The following KLF12 variants were observed in gnomAD, a reference collection of about 807,000 sequenced individuals.
The protein encoded by KLF12 is KLF transcription factor 12.
A neutral mutation model predicts 37.8 loss-of-function variants in KLF12; 9 were observed. The observed-to-expected ratio is 0.24, with a 90% confidence interval of 0.14 to 0.42. The LOEUF (loss-of-function observed/expected upper bound fraction) is 0.42, where lower values mean the gene tolerates loss of function less well. Among genes scored for constraint, KLF12 ranks in the 10% least tolerant of loss-of-function variants. The probability of loss-of-function intolerance (pLI) is 1.00; values close to 1 mark genes in which losing one functional copy is unlikely to be tolerated. For synonymous variants in KLF12, 208 were observed against 202.1 expected (o/e 1.03, Z -0.25); for missense variants, 411 against 516.0 (o/e 0.80, Z 1.97).
chr13:73,727,911 G>T (rs1303477614), intron 6 of KLF12, among the ~76,000 whole-genome samples: 2 of 152,136 alleles, frequency 1.3e-5, no homozygotes, highest in Admixed American at 1.3e-4. Context: ...TGGCCAGGCT[G>T]GTTTCGTACT....
intron 1 of KLF12, among the ~76,000 whole-genome samples, chr13:74,022,036 C>G (rs184575180): frequency 1.4e-3 from 210 of 152,214 alleles, no homozygotes; most frequent in Non-Finnish European, 1.9e-3. Flanking sequence ...GCTTTCATTC[C>G]AAGTCATCTA....
chr13:74,005,753 T>G (rs1892395392), intron 1 of KLF12, among the ~76,000 whole-genome samples: 3 of 152,210 alleles, frequency 2.0e-5, no homozygotes, highest in Admixed American at 2.0e-4. Context: ...TTTGGAGATC[T>G]TTATAAATGG....
At chr13:74,241,868 C>G in the KLF12 span, among the ~76,000 whole-genome samples, 2 of 152,162 alleles carry the variant, frequency 1.3e-5, no homozygotes, top group African/African-American at 2.4e-5. Context: ...GAGATGAACC[C>G]GGTACCTCAG....
At chr13:74,267,510 C>T in the KLF12 span, among the ~76,000 whole-genome samples, 1 of 152,306 alleles carries the variant, frequency 6.6e-6, no homozygotes, top group South Asian at 2.1e-4. Flanking sequence ...TGTTCTCACT[C>T]ATACGTGGGA....
chr13:74,181,756 C>T, the KLF12 span, among the ~76,000 whole-genome samples: 4 of 150,544 alleles, frequency 2.7e-5, no homozygotes, highest in African/African-American at 9.8e-5. Context: ...GATAACAACC[C>T]AATGTATGAG....
intron 1 of KLF12, among the ~76,000 whole-genome samples, chr13:74,000,473 A>C (rs956525744): frequency 6.6e-6 from 1 of 152,228 alleles, no homozygotes; most frequent in African/African-American, 2.4e-5. Flanking sequence ...TGTTCGTTGC[A>C]TAAGTCGACT....
the KLF12 span, among the ~76,000 whole-genome samples, chr13:74,252,363 C>T: frequency 5.3e-5 from 8 of 152,280 alleles, no homozygotes; most frequent in African/African-American, 1.7e-4. Context: ...ACTCTTGACC[C>T]CAGGCTTTGT....
chr13:73,981,318 G>C (rs922795879), intron 2 of KLF12, among the ~76,000 whole-genome samples: 1 of 152,104 alleles, frequency 6.6e-6, no homozygotes, highest in Admixed American at 6.5e-5. Context: ...ACATTTAAAC[G>C]ACTCTTCATA....
intron 3 of KLF12, among the ~76,000 whole-genome samples, chr13:73,864,929 A>G (rs1017165202): frequency 1.4e-4 from 22 of 152,284 alleles, no homozygotes; most frequent in African/African-American, 5.0e-4. Flanking sequence ...AGGAGTAAAT[A>G]ACAAGTAAAC....
intron 1 of KLF12, among the ~76,000 whole-genome samples, chr13:74,049,391 G>T (rs748451611): frequency 6.6e-6 from 1 of 152,112 alleles, no homozygotes; most frequent in African/African-American, 2.4e-5. Flanking sequence ...GCCATCAAGG[G>T]TGCAACACAT....
At chr13:73,959,680 T>TTA (rs1308589690) in intron 2 of KLF12, among the ~76,000 whole-genome samples, 1 of 152,008 alleles carries the variant, frequency 6.6e-6, no homozygotes, top group African/African-American at 2.4e-5. Flanking sequence ...TGTAATATAT[T>TTA]TACATATGAA....
At chr13:73,838,264 G>A (rs754377903) in intron 4 of KLF12, among the ~76,000 whole-genome samples, 1 of 151,704 alleles carries the variant, frequency 6.6e-6, no homozygotes, top group Non-Finnish European at 1.5e-5. Context: ...TCTATAGGCT[G>A]CTGAGAAAAG....
At chr13:74,179,597 C>G in the KLF12 span, among the ~76,000 whole-genome samples, 1 of 152,194 alleles carries the variant, frequency 6.6e-6, no homozygotes, top group Non-Finnish European at 1.5e-5. Context: ...AATTTAACTT[C>G]TCCCTGACCT....
chr13:74,163,051 G>A, the KLF12 span, among the ~76,000 whole-genome samples: 1 of 152,116 alleles, frequency 6.6e-6, no homozygotes, highest in South Asian at 2.1e-4. Context: ...ATCTGAAGGA[G>A]AGAAAAGGGA....
chr13:73,752,960 A>G (rs1311127318), intron 6 of KLF12, among the ~76,000 whole-genome samples: 1 of 151,516 alleles, frequency 6.6e-6, no homozygotes, highest in Non-Finnish European at 1.5e-5. Context: ...CACTGTATTG[A>G]CCAGGCTGGT....
At chr13:73,920,334 AT>A (rs1487288136) in intron 3 of KLF12, among the ~76,000 whole-genome samples, 2 of 150,874 alleles carry the variant, frequency 1.3e-5, no homozygotes, top group Middle Eastern at 3.4e-3. Context: ...GTCTTCATAC[AT>A]TTTTTTTTAA....
At chr13:74,151,652 C>CAATA in the KLF12 span, among the ~76,000 whole-genome samples, 747 of 142,488 alleles carry the variant, frequency 5.2e-3, 5 homozygotes, top group East Asian at 9.8e-3. Flanking sequence ...GACCCCATCT[C>CAATA]AATAAATAAA....
the KLF12 span, among the ~76,000 whole-genome samples, chr13:74,270,379 G>T: frequency 2.6e-5 from 4 of 152,152 alleles, no homozygotes; most frequent in African/African-American, 9.7e-5. Flanking sequence ...AAAGGAGCTG[G>T]AGATTTAGTT....
At chr13:74,044,899 C>G (rs1411017351) in intron 1 of KLF12, among the ~76,000 whole-genome samples, 6 of 148,398 alleles carry the variant, frequency 4.0e-5, no homozygotes, top group Non-Finnish European at 8.9e-5. Context: ...AAAGCTAAAA[C>G]AAATTGGGCA....
Sources: allele counts gnomAD v4.1 joint callset (sites outside exome capture counted in the v4.1 genomes callset), GRCh38; gene constraint gnomAD v4.1.1; transcripts MANE v1.5; gene names NCBI Gene and HGNC (gene_info 2026-07-23, HGNC 2026-07-21).